Variants in FSD2 observed in about 807,000 individuals in gnomAD.
FSD2 encodes the protein fibronectin type III and SPRY domain-containing protein 2.
A neutral mutation model predicts 80.4 loss-of-function variants in FSD2; 71 were observed. That is an observed-to-expected ratio of 0.88 (90% confidence interval 0.73 to 1.08). The LOEUF is 1.08. FSD2 is among the 50% of genes least tolerant of loss of function. The probability of loss-of-function intolerance (pLI) is 0.00; values close to 1 mark genes in which losing one functional copy is unlikely to be tolerated. For synonymous variants in FSD2, 361 were observed against 329.5 expected, an observed-to-expected ratio of 1.10 and a Z score of -1.03; for missense variants, 923 against 913.8, an observed-to-expected ratio of 1.01 and a Z score of -0.13.
intron 9 of FSD2, among the ~76,000 whole-genome samples, chr15:82,767,084 A>C (rs1455967626): frequency 6.6e-6 from 1 of 152,140 alleles, no homozygotes; most frequent in African/African-American, 2.4e-5. Context: ...ATGTTAACTA[A>C]ACTCCTTAGG....
intron 7 of FSD2, 67 bp downstream of exon 7, chr15:82,772,006 G>T: frequency 2.1e-6 from 3 of 1,429,084 alleles, no homozygotes; most frequent in Non-Finnish European, 2.8e-6. Flanking sequence ...CAGGAAGACA[G>T]GGCCCAGGCC....
At chr15:82,783,585 G>A (rs531142138) in intron 3 of FSD2, among the ~76,000 whole-genome samples, 4 of 152,296 alleles carry the variant, frequency 2.6e-5, no homozygotes, top group African/African-American at 9.6e-5. Flanking sequence ...GCAGCATTTT[G>A]CAATCCAGTT....
At chr15:82,763,427 C>T (rs780814080) in intron 11 of FSD2, among the ~76,000 whole-genome samples, 3 of 152,182 alleles carry the variant, frequency 2.0e-5, no homozygotes, top group Non-Finnish European at 4.4e-5. Context: ...TCTCATCCGT[C>T]AACTGGGATT....
intron 1 of FSD2, 120 bp from the exon 2 acceptor site, chr15:82,787,588 G>A (rs2050033992): frequency 6.6e-6 from 3 of 457,234 alleles, no homozygotes; most frequent in Admixed American, 4.0e-5. Context: ...TTCAGTCGTG[G>A]TTTCACTTTG....
At chr15:82,767,622 AG>A (rs970626713) in intron 9 of FSD2, among the ~76,000 whole-genome samples, 1 of 152,230 alleles carries the variant, frequency 6.6e-6, no homozygotes, top group African/African-American at 2.4e-5. Context: ...AGTTGGTCCC[AG>A]GTGTCAAGTG....
In FSD2 at chr15:82,765,984, G is replaced by T. The variant is rs761955623; in HGVS notation, c.1601C>A (p.Pro534Gln). The T allele has an allele frequency of 6.3e-7, 1 of 1,598,846 alleles. No individual in the cohort carries two copies. The highest frequency in any genetic ancestry group is 8.5e-7 in the Non-Finnish European group (1 of 1,173,762). Reference protein sequence around the residue: ...PTCESVVQLQPGRSYIIYVRA... With the variant: ...PTCESVVQLQQGRSYIIYVRA... The stretch of plus-strand genomic sequence containing the variant: ...CACATAGATAATGTAGCTCCGCCCC[G>T]GCTGCAGCTGCACCACGGACTCGCA... The change falls in exon 10 of 13, where the codon CCG becomes CAG. Residue 534 changes from proline (P) to glutamine (Q), a missense_variant. Coordinates refer to ENST00000334574, the MANE Select transcript of FSD2 (RefSeq NM_001007122.4).
chr15:82,790,203 CAACAACA>C lies in FSD2; in HGVS notation c.-78-2742_-78-2736del, dbSNP rs886562835. 8.8e-4 allele frequency among the ~76,000 whole-genome samples: 134 copies of C among 152,090 alleles called. 1 individual carries two copies. The highest frequency in any genetic ancestry group is 2.9e-4 in the Non-Finnish European group (20 of 67,986). On this transcript the variant is annotated intron_variant, in intron 1 of 12. Transcript: ENST00000334574. The stretch of plus-strand genomic sequence containing the variant: ...ACAACAACAACGACAACAACAACAA[CAACAACA>C]AACAAACAAACAGTTCTCTGATGGC...
intron 3 of FSD2, 125 bp from the exon 4 acceptor site, chr15:82,783,150 G>A (rs2049912064): frequency 1.5e-6 from 1 of 684,532 alleles, no homozygotes; most frequent in South Asian, 1.9e-5. Flanking sequence ...CCAGGCTGGA[G>A]TACAGTAGTG....
At chr15:82,780,495 C>T (rs1176642730) in intron 4 of FSD2, among the ~76,000 whole-genome samples, 2 of 151,770 alleles carry the variant, frequency 1.3e-5, no homozygotes, top group African/African-American at 2.4e-5. Flanking sequence ...CCACCACACC[C>T]AGCTAATTTT....
intron 5 of FSD2, among the ~76,000 whole-genome samples, chr15:82,779,473 T>C (rs994626805): frequency 6.6e-6 from 1 of 152,102 alleles, no homozygotes; most frequent in Non-Finnish European, 1.5e-5. Context: ...AAGACCAGCC[T>C]GGCCAACATG....
At chr15:82,770,767 A>G (rs2089844) in intron 7 of FSD2, among the ~76,000 whole-genome samples, 124,856 of 152,042 alleles carry the variant, frequency 0.82, 51,670 homozygotes, top group African/African-American at 0.92. Context: ...AGCAAAAACT[A>G]ACACAACTCC....
At chr15:82,778,714 A>G (rs1385024695) in intron 6 of FSD2, 52 bp downstream of exon 6, 3 of 1,529,462 alleles carry the variant, frequency 2.0e-6, no homozygotes, top group East Asian at 4.8e-5. Flanking sequence ...CAAGAAAGAA[A>G]AAAGCTCTGG....
At chr15:82,803,259 C>T (rs2151547297) in intron 1 of FSD2, among the ~76,000 whole-genome samples, 1 of 152,230 alleles carries the variant, frequency 6.6e-6, no homozygotes, top group East Asian at 1.9e-4. Flanking sequence ...ACTGCGCGCA[C>T]CATGGTCCTT....
chr15:82,787,159 A>T lies in FSD2; in HGVS notation c.232T>A (p.Tyr78Asn), dbSNP rs932326841. The T allele has an allele frequency of 6.2e-7, 1 of 1,614,004 alleles. No individual in the cohort carries two copies. The highest frequency in any genetic ancestry group is 8.5e-7 in the Non-Finnish European group (1 of 1,179,878). The change falls in exon 2 of 13, where the codon TAT becomes AAT. Residue 78 changes from tyrosine (Y) to asparagine (N), a missense_variant. Coordinates refer to ENST00000334574, the MANE Select transcript of FSD2 (RefSeq NM_001007122.4). Reference protein sequence around the residue: ...QEEVDELVHLYGLEDDHELGD... With the variant: ...QEEVDELVHLNGLEDDHELGD... ...AATTCATGATCATCTTCAAGTCCATATAAGTGGACAAGTTCATCCACTTCC... is the reference window on the plus strand; with the variant it reads ...AATTCATGATCATCTTCAAGTCCATTTAAGTGGACAAGTTCATCCACTTCC...
chr15:82,773,210 T>C (rs2049628508), intron 6 of FSD2, among the ~76,000 whole-genome samples: 1 of 152,206 alleles, frequency 6.6e-6, no homozygotes, highest in Admixed American at 6.5e-5. Context: ...TATCCTTAGT[T>C]TCAAAGGTTG....
At position 82,772,082 on chromosome 15, in the gene FSD2, C is replaced by T; in HGVS notation, c.1258G>A (p.Asp420Asn). 1 of 1,568,508 alleles carries T rather than the reference C, an allele frequency of 6.4e-7. No individual in the cohort carries two copies. Among genetic ancestry groups the T allele is most frequent in the South Asian group, 1.2e-5 (1 of 82,396 alleles). ...CCTGGCAGAGCCTCACCTGCTTGGTCCGTCCCAGGTGAGCTGTCCTGCACT... is the reference window on the plus strand; with the variant it reads ...CCTGGCAGAGCCTCACCTGCTTGGTTCGTCCCAGGTGAGCTGTCCTGCACT... Reference protein sequence around the residue: ...RPVQDSSPGTDQAEFTVTVKE... With the variant: ...RPVQDSSPGTNQAEFTVTVKE... Residue 420 changes from aspartate to asparagine, a missense_variant, in exon 7 of 13, where the codon GAC becomes AAC. By Grantham distance (23) the Asp-to-Asn change is conservative. Transcript: ENST00000334574.
At chr15:82,795,381 A>G (rs994169124) in intron 1 of FSD2, among the ~76,000 whole-genome samples, 25 of 152,154 alleles carry the variant, frequency 1.6e-4, no homozygotes, top group African/African-American at 6.0e-4. Context: ...CACGCCCCCA[A>G]AGAAAATCCT....
intron 6 of FSD2, among the ~76,000 whole-genome samples, chr15:82,778,201 C>T (rs2151507526): frequency 7.2e-6 from 1 of 139,000 alleles, no homozygotes; most frequent in Admixed American, 7.6e-5. Context: ...ATGTATTCAC[C>T]AGAACTGAAA....
At chr15:82,768,280 C>G (rs770773439) in intron 9 of FSD2, among the ~76,000 whole-genome samples, 1 of 152,212 alleles carries the variant, frequency 6.6e-6, no homozygotes, top group Non-Finnish European at 1.5e-5. Context: ...TGCCCCAGGG[C>G]CTGTGTTCAT....
Sources: allele counts gnomAD v4.1 joint callset (sites outside exome capture counted in the v4.1 genomes callset), GRCh38; gene constraint gnomAD v4.1.1; transcripts MANE v1.5; gene names NCBI Gene and HGNC (gene_info 2026-07-23, HGNC 2026-07-21).